The following MVK variants were observed in gnomAD, a reference collection of about 807,000 sequenced individuals.
MVK encodes LH receptor mRNA-binding protein.
In MVK, 34 loss-of-function variants were observed where a neutral mutation model predicts 43.2. That is an observed-to-expected ratio of 0.79 (90% CI 0.60 to 1.05). The LOEUF (loss-of-function observed/expected upper bound fraction) is 1.05, where lower values mean the gene tolerates loss of function less well. Ranked by LOEUF, MVK falls within the 50% of genes least tolerant of loss-of-function variation. The pLI is 0.00. For missense variants in MVK, 395 were observed against 504.0 expected, an observed-to-expected ratio of 0.78 and a Z score of 2.07; for synonymous variants, 190 against 219.8, an observed-to-expected ratio of 0.86 and a Z score of 1.20.
At chr12:109,574,121 A>G (rs1360252639) in intron 1 of MVK, among the ~76,000 whole-genome samples, 2 of 152,234 alleles carry the variant, frequency 1.3e-5, no homozygotes, top group Non-Finnish European at 2.9e-5. Flanking sequence ...CCTGAATCTT[A>G]GCGTAAGGTA....
intron 5 of MVK, 127 bp downstream of exon 5, chr12:109,581,677 G>C: frequency 7.2e-7 from 1 of 1,383,646 alleles, no homozygotes; most frequent in East Asian, 2.4e-5. Flanking sequence ...TTAACATGAG[G>C]AAGCTGAGCC....
intron 8 of MVK, 88 bp downstream of exon 8, chr12:109,590,949 G>A: frequency 7.3e-7 from 1 of 1,374,206 alleles, no homozygotes; most frequent in Admixed American, 1.9e-5. Flanking sequence ...TGGCTGATGG[G>A]TTATAGGGGG....
Position 109,579,814 on chromosome 12 carries a change from T to C in MVK, c.239T>C (p.Val80Ala). ...GCCTGTGGAACAGAGCAAGGTGATGTCACAACACCCACCTCAGAGCAAGTG... is the reference window on the plus strand; with the variant it reads ...GCCTGTGGAACAGAGCAAGGTGATGCCACAACACCCACCTCAGAGCAAGTG... The part of the protein sequence containing the change: ...LDTSFLEQGD[V>A]TTPTSEQVEK... The change falls in exon 4 of 11, where the codon GTC (valine) becomes GCC (alanine). Residue 80 changes from valine to alanine, a missense_variant. By Grantham distance (64) the Val-to-Ala change is moderately conservative (BLOSUM62 0). Coordinates refer to ENST00000228510, the MANE Select transcript of MVK (RefSeq NM_000431.4). The C allele has an allele frequency of 6.2e-7, 1 of 1,614,238 alleles. No homozygotes were observed. The highest frequency in any genetic ancestry group is 1.1e-5 in the South Asian group (1 of 91,088).
At chr12:109,593,412 C>A (rs1885768994) in intron 9 of MVK, among the ~76,000 whole-genome samples, 2 of 152,190 alleles carry the variant, frequency 1.3e-5, no homozygotes, top group African/African-American at 4.8e-5. Flanking sequence ...ATTGGCAACT[C>A]CTGGTATACA....
chr12:109,596,546 GCCGAGT>G lies in MVK; in HGVS notation c.1163_1168del (p.Arg388_Val389del). 1 of 1,611,508 alleles carries G rather than the reference GCCGAGT, an allele frequency of 6.2e-7. No individual in the cohort carries two copies. The highest frequency in any genetic ancestry group is 8.5e-7 in the Non-Finnish European group (1 of 1,179,954). ...ATCCACTCAGCCACCTCCCTGGACA[GCCGAGT>G]CCAGCAAGCCCTGGATGGCCTCTGA... On this transcript the variant is annotated inframe_deletion, in exon 11 of 11. Coordinates refer to ENST00000228510, the MANE Select transcript of MVK (RefSeq NM_000431.4).
upstream of MVK, chr12:109,573,442 C>A (rs1318802820): frequency 1.2e-6 from 2 of 1,606,866 alleles, no homozygotes; most frequent in African/African-American, 1.3e-5. Flanking sequence ...CAAGACGGCT[C>A]CCCAGGCCAA....
intron 2 of MVK, among the ~76,000 whole-genome samples, chr12:109,575,758 G>A (rs1330205838): frequency 1.3e-5 from 2 of 152,084 alleles, no homozygotes; most frequent in African/African-American, 4.8e-5. Flanking sequence ...GTGATTCCTT[G>A]GTATTGAGAA....
At position 109,574,916 on chromosome 12, in the gene MVK, A is replaced by C; in HGVS notation, c.78+16A>C. ...ACATGGCAAGGTACAAAGCCGTTAG[A>C]GCCTTTAAGGATTGGGTACCCCTTC... On this transcript the variant is annotated intron_variant, in intron 2 of 10. Transcript: ENST00000228510. 1 of 1,600,242 alleles carries C rather than the reference A, an allele frequency of 6.2e-7. No homozygotes were observed. Among genetic ancestry groups the C allele is most frequent in the Non-Finnish European group, 8.5e-7 (1 of 1,172,716 alleles).
chr12:109,573,430 G>A (rs1467369691), upstream of MVK: 3 of 1,605,540 alleles, frequency 1.9e-6, no homozygotes. Context: ...ACCCGCGCAG[G>A]CCAAGACGGC....
At chr12:109,590,989 G>T in intron 8 of MVK, 128 bp downstream of exon 8, 1 of 1,083,174 alleles carries the variant, frequency 9.2e-7, no homozygotes, top group East Asian at 2.6e-5. Context: ...CCTTAGGGAG[G>T]TGGTTTTGGC....
chr12:109,597,822 G>C lies in MVK; in HGVS notation c.*1245G>C, dbSNP rs2136261504. 1 of 152,346 alleles carries C rather than the reference G, an allele frequency of 6.6e-6. No homozygotes were observed. The highest frequency in any genetic ancestry group is 2.1e-4 in the South Asian group (1 of 4,822). The allele number at this position is 152,346 out of a possible 1,614,324, so 9.4% of individuals were successfully genotyped here. A position where few individuals can be genotyped will look rare whatever the true frequency, so the allele number is the denominator to read the frequency against. ...GCCGAGTGGAAAGGTGGGGGCCGGC[G>C]CAGGGATTTCAGGATGAGGTGAAAG... On this transcript the variant is annotated 3_prime_UTR_variant, in exon 11 of 11. Coordinates refer to ENST00000228510, the MANE Select transcript of MVK (RefSeq NM_000431.4).
intron 5 of MVK, 118 bp downstream of exon 5, chr12:109,581,668 TA>T: frequency 6.9e-7 from 1 of 1,444,638 alleles, no homozygotes; most frequent in East Asian, 2.4e-5. Flanking sequence ...GTGGCCATTT[TA>T]ACATGAGGAA....
chr12:109,581,591 G>T (rs752255529), intron 5 of MVK, 41 bp downstream of exon 5: 1 of 1,613,680 alleles, frequency 6.2e-7, no homozygotes, highest in Non-Finnish European at 8.5e-7. Context: ...CTCCCGCACG[G>T]CAGGACAGGG....
rs141765653 is a variant in MVK at position 109,574,836 on chromosome 12, T to C, written c.14T>C (p.Val5Ala). 37 of 1,606,410 alleles carry C rather than the reference T, an allele frequency of 2.3e-5. No homozygotes were observed. In the Middle Eastern group the frequency reaches 1.5e-3, roughly 65 times the overall value. ...TTCCCAGGAGCCATGTTGTCAGAAG[T>C]CCTACTGGTGTCTGCTCCGGGGAAA... MLSEVLLVSAPGKVI... is the reference protein window; with the variant it reads MLSEALLVSAPGKVI... Residue 5 changes from valine (V) to alanine (A), a missense_variant, in exon 2 of 11, where the codon GTC (valine) becomes GCC (alanine). Physicochemically the swap from Val to Ala is moderately conservative, Grantham distance 64. Coordinates refer to ENST00000228510, the MANE Select transcript of MVK (RefSeq NM_000431.4).
chr12:109,592,007 G>A (rs1032101924), intron 9 of MVK, among the ~76,000 whole-genome samples: 1 of 152,198 alleles, frequency 6.6e-6, no homozygotes, highest in African/African-American at 2.4e-5. Flanking sequence ...ACTTTGGGAG[G>A]CCAAGGCAGG....
Position 109,597,143 on chromosome 12 carries a change from G to T in MVK, c.*566G>T, listed in dbSNP as rs1473857064. The stretch of plus-strand genomic sequence containing the variant: ...GCGGGATGGGGCTCCCCCAGGGGCT[G>T]TCCCGGAGGCGGTGGGCCTGGTTAA... On this transcript the variant is annotated 3_prime_UTR_variant, in exon 11 of 11. Transcript: ENST00000228510. 5.4e-6 allele frequency: 1 copy of T among 184,814 alleles called. No homozygotes were observed. The highest frequency in any genetic ancestry group is 1.2e-5 in the Non-Finnish European group (1 of 86,464). 11.4% of individuals were successfully genotyped at this position (184,814 alleles called of 1,614,324 possible).
At chr12:109,585,971 C>T (rs763970668) in intron 5 of MVK, 51 bp from the exon 6 acceptor site, 2 of 1,523,818 alleles carry the variant, frequency 1.3e-6, no homozygotes, top group Non-Finnish European at 9.1e-7. Flanking sequence ...GTGACCCCTC[C>T]CCAGCCCCAC....
chr12:109,573,877 A>G lies in MVK; in HGVS notation c.-15+4A>G. 4.9e-6 allele frequency: 1 copy of G among 203,714 alleles called. No individual in the cohort carries two copies. The highest frequency in any genetic ancestry group is 9.7e-6 in the Non-Finnish European group (1 of 103,254). 12.6% of individuals were successfully genotyped at this position (203,714 alleles called of 1,614,324 possible). A position where few individuals can be genotyped will look rare whatever the true frequency, so the allele number is the denominator to read the frequency against. ...GGGGAGGCGGCGGCGGCGGCAGGTG[A>G]GAGGCCGGGGTCGGGCGGCCGGGCG... is the stretch of plus-strand genomic sequence containing the variant. On this transcript the variant is annotated splice_donor_region_variant and intron_variant, in intron 1 of 10. Transcript: ENST00000228510.
At chr12:109,581,021 G>A (rs1359886567) in intron 4 of MVK, among the ~76,000 whole-genome samples, 1 of 152,152 alleles carries the variant, frequency 6.6e-6, no homozygotes, top group Non-Finnish European at 1.5e-5. Flanking sequence ...GGATTTCTCT[G>A]TGGGATAAGG....
Sources: allele counts gnomAD v4.1 joint callset (sites outside exome capture counted in the v4.1 genomes callset), GRCh38; gene constraint gnomAD v4.1.1; transcripts MANE v1.5; gene names NCBI Gene and HGNC (gene_info 2026-07-23, HGNC 2026-07-21).